Variants in SLC38A12 observed in about 807,000 individuals in gnomAD.
SLC38A12 encodes the protein putative sodium-coupled neutral amino acid transporter 12.
chr17:74,797,099 G>A, the SLC38A12 span, among the ~76,000 whole-genome samples: 1 of 152,178 alleles, frequency 6.6e-6, no homozygotes, highest in African/African-American at 2.4e-5. Flanking sequence ...TAAAGACCCT[G>A]CCAGGCACAC....
At chr17:74,807,712 T>G in the SLC38A12 span, among the ~76,000 whole-genome samples, 7 of 152,238 alleles carry the variant, frequency 4.6e-5, no homozygotes, top group Admixed American at 4.6e-4. Context: ...CACCCGTCTC[T>G]TTCTCCAGCA....
chr17:74,780,525 G>A, the SLC38A12 span, among the ~76,000 whole-genome samples: 1 of 152,184 alleles, frequency 6.6e-6, no homozygotes, highest in African/African-American at 2.4e-5. Context: ...CTTCCCAGGA[G>A]TCTGGCCCAC....
At chr17:74,795,406 G>A in the SLC38A12 span, 3 of 863,960 alleles carry the variant, frequency 3.5e-6, no homozygotes, top group Non-Finnish European at 3.6e-6. Context: ...CCGCAAAGTG[G>A]TTTGTGAAAA....
chr17:74,798,866 C>A, the SLC38A12 span, among the ~76,000 whole-genome samples: 1 of 151,344 alleles, frequency 6.6e-6, no homozygotes, highest in Admixed American at 6.6e-5. Context: ...TCTGCAGTTT[C>A]TCCGGCTTTG....
chr17:74,787,652 G>A, the SLC38A12 span, among the ~76,000 whole-genome samples: 1 of 151,490 alleles, frequency 6.6e-6, no homozygotes, highest in Non-Finnish European at 1.5e-5. Context: ...AAGAAAGCAG[G>A]AGATGAATGT....
At chr17:74,810,409 C>A in the SLC38A12 span, among the ~76,000 whole-genome samples, 1 of 152,174 alleles carries the variant, frequency 6.6e-6, no homozygotes, top group Admixed American at 6.5e-5. Flanking sequence ...GAGCCAAGGA[C>A]AAAGGGCCAT....
the SLC38A12 span, chr17:74,790,402 CT>C: frequency 7.7e-6 from 8 of 1,034,568 alleles, no homozygotes; most frequent in Non-Finnish European, 1.2e-5. Flanking sequence ...CTGGCATTTC[CT>C]GCCCCTGGGT....
At chr17:74,828,302 C>A in the SLC38A12 span, among the ~76,000 whole-genome samples, 1 of 152,228 alleles carries the variant, frequency 6.6e-6, no homozygotes, top group African/African-American at 2.4e-5. Context: ...AGGCACAGCT[C>A]AGCACTGGCG....
the SLC38A12 span, among the ~76,000 whole-genome samples, chr17:74,814,388 G>A: frequency 6.6e-6 from 1 of 151,990 alleles, no homozygotes; most frequent in African/African-American, 2.4e-5. Flanking sequence ...TGGAGATGCT[G>A]GTGATAGTGG....
the SLC38A12 span, chr17:74,837,921 G>A: frequency 7.1e-6 from 7 of 985,624 alleles, no homozygotes; most frequent in South Asian, 2.3e-4. Context: ...CAGAGCCCCT[G>A]GCCTGGAGCT....
the SLC38A12 span, chr17:74,836,409 C>T: frequency 3.1e-6 from 5 of 1,610,722 alleles, no homozygotes; most frequent in Non-Finnish European, 4.2e-6. This position sits in a 1 kb window ranked among gnomAD's most constrained non-coding sequence, Gnocchi z 4.2. Flanking sequence ...CACCATCACC[C>T]TGGTGCCGCC....
the SLC38A12 span, among the ~76,000 whole-genome samples, chr17:74,810,306 C>T: frequency 2.3e-4 from 35 of 152,346 alleles, no homozygotes; most frequent in South Asian, 6.6e-3. Context: ...TCAGTTCTGT[C>T]TTCGGTCATC....
At chr17:74,811,252 C>A in the SLC38A12 span, among the ~76,000 whole-genome samples, 1 of 152,020 alleles carries the variant, frequency 6.6e-6, no homozygotes, top group Non-Finnish European at 1.5e-5. Context: ...ATTGCTTGAG[C>A]CTGGGAGGTC....
chr17:74,799,763 G>A, the SLC38A12 span, among the ~76,000 whole-genome samples: 1 of 152,188 alleles, frequency 6.6e-6, no homozygotes, highest in Non-Finnish European at 1.5e-5. Flanking sequence ...GGCAACACTG[G>A]CCTTTGTCCA....
At chr17:74,825,115 A>G in the SLC38A12 span, among the ~76,000 whole-genome samples, 1 of 152,178 alleles carries the variant, frequency 6.6e-6, no homozygotes, top group Non-Finnish European at 1.5e-5. Flanking sequence ...AGTGCCTCTC[A>G]GAGGTCCCAG....
chr17:74,821,237 T>C, the SLC38A12 span, among the ~76,000 whole-genome samples: 2 of 152,204 alleles, frequency 1.3e-5, no homozygotes, highest in South Asian at 4.1e-4. Context: ...GGAGATGAGT[T>C]GTGAGGCCCC....
At chr17:74,788,654 T>C in the SLC38A12 span, 2 of 651,396 alleles carry the variant, frequency 3.1e-6, no homozygotes, top group Admixed American at 3.1e-5. Context: ...GTAAAGCCCA[T>C]CTCTAGGGAA....
chr17:74,778,969 C>T, the SLC38A12 span, among the ~76,000 whole-genome samples: 1 of 152,076 alleles, frequency 6.6e-6, no homozygotes, highest in African/African-American at 2.4e-5. Context: ...CACCCAGCCT[C>T]TCAGGTGAAG....
the SLC38A12 span, among the ~76,000 whole-genome samples, chr17:74,817,698 G>C: frequency 6.6e-6 from 1 of 152,208 alleles, no homozygotes; most frequent in Admixed American, 6.5e-5. Flanking sequence ...GAGATGGACA[G>C]GGCCCCTGGA....
Sources: allele counts gnomAD v4.1 joint callset (sites outside exome capture counted in the v4.1 genomes callset), GRCh38; gene constraint gnomAD v4.1.1; non-coding constraint Gnocchi (gnomAD v3.1); transcripts MANE v1.5; gene names NCBI Gene and HGNC (gene_info 2026-07-23, HGNC 2026-07-21).